Variants in DCC observed in about 807,000 individuals in gnomAD.
The protein encoded by DCC is DCC netrin 1 receptor.
A neutral mutation model predicts 172.5 loss-of-function variants in DCC; 58 were observed. That is an observed-to-expected ratio of 0.34 (90% confidence interval 0.27 to 0.42). DCC has a LOEUF of 0.42. Ranked by LOEUF, DCC falls within the 10% of genes least tolerant of loss-of-function variation. The pLI is 1.00. For synonymous variants in DCC, 709 were observed against 644.5 expected (o/e 1.10, Z -1.52); for missense variants, 1,740 against 1,791.0 (o/e 0.97, Z 0.51).
chr18:53,026,071 G>A (rs1473829597), intron 5 of DCC, among the ~76,000 whole-genome samples: 2 of 151,986 alleles, frequency 1.3e-5, no homozygotes, highest in Admixed American at 1.3e-4. Flanking sequence ...TGGGACTCAT[G>A]TGAGTTAATA....
At chr18:53,203,200 CTTGTGT>C (rs2055569266) in intron 9 of DCC, among the ~76,000 whole-genome samples, 1 of 57,322 alleles carries the variant, frequency 1.7e-5, no homozygotes, top group South Asian at 5.8e-4. Flanking sequence ...TATAGATTCT[CTTGTGT>C]GTGTGTGTGT....
At position 53,034,345 on chromosome 18, in the gene DCC, T is replaced by C. The variant is rs59177330; in HGVS notation, c.986-28960T>C. ...CAGCCTCCTTATGTCATCATACCTCTCCAGAAACATTTCCCATCTTAGTAT... is the reference window on the plus strand; with the variant it reads ...CAGCCTCCTTATGTCATCATACCTCCCCAGAAACATTTCCCATCTTAGTAT... On this transcript the variant is annotated intron_variant, in intron 5 of 28. Coordinates refer to ENST00000442544, the MANE Select transcript of DCC (RefSeq NM_005215.4). Among the ~76,000 whole-genome samples, 225 of 152,144 alleles carry C rather than the reference T, an allele frequency of 1.5e-3. 2 individuals are homozygous for C. Among genetic ancestry groups the C allele is most frequent in the African/African-American group, 5.3e-3 (221 of 41,538 alleles).
chr18:53,515,181 A>G (rs945569296), intron 27 of DCC, among the ~76,000 whole-genome samples: 1 of 152,088 alleles, frequency 6.6e-6, no homozygotes, highest in Non-Finnish European at 1.5e-5. Context: ...GCATATAAAC[A>G]GAGCCAATGA....
chr18:52,778,893 A>C (rs955856559), intron 2 of DCC, among the ~76,000 whole-genome samples: 1 of 152,156 alleles, frequency 6.6e-6, no homozygotes, highest in African/African-American at 2.4e-5. Context: ...TCAATATCCA[A>C]TTGTGCCCTG....
chr18:52,562,874 T>C (rs972383549), intron 1 of DCC, among the ~76,000 whole-genome samples: 3 of 152,078 alleles, frequency 2.0e-5, no homozygotes, highest in Non-Finnish European at 2.9e-5. Flanking sequence ...AAGTGATCCT[T>C]CTGCCTCAGC....
At chr18:52,596,834 T>C (rs1344483390) in intron 1 of DCC, among the ~76,000 whole-genome samples, 2 of 152,178 alleles carry the variant, frequency 1.3e-5, no homozygotes, top group East Asian at 1.9e-4. Flanking sequence ...TCTTCCTACA[T>C]GGCTCAGGTC....
intron 26 of DCC, among the ~76,000 whole-genome samples, chr18:53,491,047 C>G (rs1487049822): frequency 6.6e-6 from 1 of 152,064 alleles, no homozygotes; most frequent in Non-Finnish European, 1.5e-5. Context: ...ATGGATTTTG[C>G]TAAAGAGGGG....
chr18:53,197,546 G>A (rs2055464568), intron 9 of DCC, among the ~76,000 whole-genome samples: 1 of 148,904 alleles, frequency 6.7e-6, no homozygotes, highest in Admixed American at 6.9e-5. Flanking sequence ...CATATTCCCT[G>A]ACACTAACAT....
At chr18:53,186,655 TCCAG>T (rs1274462745) in intron 9 of DCC, among the ~76,000 whole-genome samples, 2 of 152,262 alleles carry the variant, frequency 1.3e-5, no homozygotes, top group African/African-American at 4.8e-5. Context: ...CAACTATGTA[TCCAG>T]CCTTTTATAA....
intron 12 of DCC, among the ~76,000 whole-genome samples, chr18:53,233,790 A>C (rs1005369523): frequency 6.6e-6 from 1 of 152,176 alleles, no homozygotes; most frequent in African/African-American, 2.4e-5. Context: ...GAATGAAGCA[A>C]ATATGTTTGT....
intron 15 of DCC, among the ~76,000 whole-genome samples, chr18:53,357,565 C>T (rs1254154638): frequency 6.6e-6 from 1 of 152,106 alleles, no homozygotes; most frequent in Non-Finnish European, 1.5e-5. Context: ...TATTTTGAAA[C>T]AAAGTGCATC....
chr18:52,855,437 T>A (rs1383055851), intron 2 of DCC, among the ~76,000 whole-genome samples: 1 of 152,236 alleles, frequency 6.6e-6, no homozygotes, highest in African/African-American at 2.4e-5. Flanking sequence ...TAAAATGCTG[T>A]TTTAATTAAT....
chr18:52,409,990 C>T (rs1598795522), intron 1 of DCC, among the ~76,000 whole-genome samples: 1 of 152,162 alleles, frequency 6.6e-6, no homozygotes, highest in Admixed American at 6.5e-5. Context: ...ACTGCTCTAA[C>T]TGACCACAGC....
At chr18:53,292,032 C>G (rs550309960) in intron 12 of DCC, among the ~76,000 whole-genome samples, 3 of 151,890 alleles carry the variant, frequency 2.0e-5, no homozygotes, top group Admixed American at 2.0e-4. Context: ...TATTTTAAAT[C>G]CAGGAGCTTA....
chr18:53,518,510 G>A (rs1164576167), intron 27 of DCC, among the ~76,000 whole-genome samples: 1 of 152,136 alleles, frequency 6.6e-6, no homozygotes, highest in East Asian at 1.9e-4. Flanking sequence ...TAAATGAAAT[G>A]TTTAATAACT....
intron 1 of DCC, among the ~76,000 whole-genome samples, chr18:52,394,040 T>C (rs1327417363): frequency 1.3e-5 from 2 of 152,100 alleles, no homozygotes; most frequent in Non-Finnish European, 2.9e-5. Flanking sequence ...GATAGGCTGG[T>C]AAATTGTCAT....
chr18:52,853,920 T>C (rs1302070028), intron 2 of DCC, among the ~76,000 whole-genome samples: 1 of 152,152 alleles, frequency 6.6e-6, no homozygotes, highest in East Asian at 1.9e-4. Flanking sequence ...GCAGGAGTCA[T>C]AGTTGATATT....
At chr18:52,810,138 C>CA (rs965876691) in intron 2 of DCC, among the ~76,000 whole-genome samples, 2 of 151,992 alleles carry the variant, frequency 1.3e-5, no homozygotes, top group Non-Finnish European at 2.9e-5. Context: ...ATATAGTTTA[C>CA]AAAAAGTCAC....
At chr18:53,220,921 C>G (rs987472921) in intron 12 of DCC, among the ~76,000 whole-genome samples, 6 of 152,238 alleles carry the variant, frequency 3.9e-5, no homozygotes, top group Non-Finnish European at 8.8e-5. Flanking sequence ...GGGGCTCTTA[C>G]AGTCTAGTCT....
Sources: gnomAD v4.1 joint callset for allele counts (sites outside exome capture counted in the v4.1 genomes callset) on GRCh38, gnomAD v4.1.1 for gene constraint, MANE v1.5 for transcripts, NCBI Gene and HGNC (gene_info 2026-07-23, HGNC 2026-07-21) for gene names.